ASB11: variants seen among roughly 807,000 people sequenced by gnomAD.
The protein encoded by ASB11 is ankyrin repeat and SOCS box protein 11.
In ASB11, 17 loss-of-function variants were observed where a neutral mutation model predicts 20.1. The observed-to-expected ratio is 0.85, with a 90% CI of 0.58 to 1.27. The LOEUF (loss-of-function observed/expected upper bound fraction) is 1.27, where lower values mean the gene tolerates loss of function less well. Ranked by LOEUF, ASB11 falls within the 50% of genes most tolerant of loss-of-function variation. ASB11 has a pLI of 0.00. For missense variants in ASB11, 259 were observed against 256.9 expected (o/e 1.01, Z -0.06); for synonymous variants, 107 against 105.6 (o/e 1.01, Z -0.08).
intron 1 of ASB11, chrX:15,314,533 T>C: frequency 8.7e-7 from 1 of 1,152,443 alleles, no homozygotes; most frequent in Non-Finnish European, 1.1e-6. Context: ...ATAAGACTGC[T>C]GTTGTCTAGT....
chrX:15,283,475 T>C lies in ASB11; in HGVS notation c.*30A>G. ...GTACAGCAGACAACAATCTGTGTCA[T>C]TCCAAGTATCTTCCCAGGAACACTT... On this transcript the variant is annotated 3_prime_UTR_variant, in exon 7 of 7. Coordinates refer to ENST00000480796, the MANE Select transcript of ASB11 (RefSeq NM_080873.3). 1 of 1,208,245 alleles carries C rather than the reference T, an allele frequency of 8.3e-7. No individual in the cohort carries two copies. Among genetic ancestry groups the C allele is most frequent in the Non-Finnish European group, 1.1e-6 (1 of 892,540 alleles).
rs1216745927 is a variant in ASB11, at chrX:15,297,586, T to G, written c.357A>C (p.Glu119Asp). Reference sequence around the variant, plus strand: ...GGGCAGTACTCACGTGTGCACCATTTTCCAATAAGGCTTTGGCACAGGCCA... The same window carrying G: ...GGGCAGTACTCACGTGTGCACCATTGTCCAATAAGGCTTTGGCACAGGCCA... ...GHVACAKALL[E>D]NGAHVNGVTV... The change falls in exon 3 of 7, where the codon GAA (glutamate) becomes GAC (aspartate). Residue 119 changes from glutamate (E) to aspartate (D), a missense_variant. By Grantham distance (45) the Glu-to-Asp change is conservative. Transcript: ENST00000480796. 8.4e-7 allele frequency: 1 copy of G among 1,194,679 alleles called. No homozygotes were observed. The highest frequency in any genetic ancestry group is 1.1e-6 in the Non-Finnish European group (1 of 888,042).
In ASB11 at chrX:15,283,221, C is replaced by G. The variant is rs992296296; in HGVS notation, c.*284G>C. ...TAGGTACAAGAAGATCCCGAATCAT[C>G]AAAAAACAGCCTATTGTTTTCACTC... On this transcript the variant is annotated 3_prime_UTR_variant, in exon 7 of 7. Transcript: ENST00000480796. The G allele has an allele frequency of 4.6e-6, 1 of 215,132 alleles. No individual in the cohort carries two copies. Among genetic ancestry groups the G allele is most frequent in the Admixed American group, 6.3e-5 (1 of 15,820 alleles). The allele number at this position is 215,132 out of a possible 1,213,427, so 17.7% of individuals were successfully genotyped here.
At chrX:15,311,774 C>T (rs1921437259) in intron 1 of ASB11, among the ~76,000 whole-genome samples, 1 of 110,785 alleles carries the variant, frequency 9.0e-6, no homozygotes, top group Admixed American at 9.7e-5. Flanking sequence ...ACTTGTTTAG[C>T]AGCAAAGCAT....
intron 5 of ASB11, 148 bp downstream of exon 5, chrX:15,289,356 T>A: frequency 1.8e-6 from 1 of 562,811 alleles, no homozygotes; most frequent in South Asian, 3.3e-5. Flanking sequence ...ATACAGACAC[T>A]CATTTCTCTA....
At chrX:15,287,134 GCAAAC>G (rs1927408352) in intron 6 of ASB11, among the ~76,000 whole-genome samples, 1 of 111,298 alleles carries the variant, frequency 9.0e-6, no homozygotes, top group Non-Finnish European at 1.9e-5. Flanking sequence ...TGGAGAACAG[GCAAAC>G]AACCTCACCA....
In ASB11 at chrX:15,289,590, T is replaced by C. The variant is rs769411915; in HGVS notation, c.569A>G (p.Asp190Gly). 8.3e-7 allele frequency: 1 copy of C among 1,210,339 alleles called. No individual in the cohort carries two copies. The highest frequency in any genetic ancestry group is 1.1e-6 in the Non-Finnish European group (1 of 894,187). ...AGTTCCGAGCTGAGGCACCTCATGGTCAATGTTAACATTATTTGCCAGCAG... is the reference window on the plus strand; with the variant it reads ...AGTTCCGAGCTGAGGCACCTCATGGCCAATGTTAACATTATTTGCCAGCAG... Reference protein sequence around the residue: ...EILLANNVNIDHEVPQLGTPL... With the variant: ...EILLANNVNIGHEVPQLGTPL... The change falls in exon 5 of 7, where the codon GAC becomes GGC. Residue 190 changes from aspartate to glycine, a missense_variant. Asp to Gly is a moderately conservative substitution (Grantham distance 94). Transcript: ENST00000480796.
At chrX:15,295,769 C>G (rs1315508124) in intron 3 of ASB11, among the ~76,000 whole-genome samples, 1 of 112,428 alleles carries the variant, frequency 8.9e-6, no homozygotes, top group African/African-American at 3.2e-5. Context: ...GACAAGGAAA[C>G]ATGTCTTATT....
In ASB11 at chrX:15,295,441, G is replaced by A. The variant is rs548791768; in HGVS notation, c.370-2121C>T. Among the ~76,000 whole-genome samples the A allele has an allele frequency of 4.5e-5, 5 of 112,314 alleles. No individual in the cohort carries two copies. The East Asian group carries it at 1.4e-3, about 31-fold the overall frequency. Reference sequence around the variant, plus strand: ...GGGAAAAACTTAGAAAGTAAAATTAGCAGGAGTTTTTAATTAATTAGATAG... The same window carrying A: ...GGGAAAAACTTAGAAAGTAAAATTAACAGGAGTTTTTAATTAATTAGATAG... On this transcript the variant is annotated intron_variant, in intron 3 of 6. Coordinates refer to ENST00000480796, the MANE Select transcript of ASB11 (RefSeq NM_080873.3).
rs753082019 is a variant in ASB11 at position 15,298,383 on chromosome X, G to A, written c.262-702C>T. On this transcript the variant is annotated intron_variant, in intron 2 of 6. Coordinates refer to ENST00000480796, the MANE Select transcript of ASB11 (RefSeq NM_080873.3). ...TGCTTCCTGTGGCAGGGCCACAGTC[G>A]GATTTCTGGAACAGAAAGAACCCAC... 2.7e-5 allele frequency among the ~76,000 whole-genome samples: 3 copies of A among 110,973 alleles called. No individual in the cohort carries two copies. In the East Asian group the frequency reaches 8.6e-4, roughly 32 times the overall value.
intron 1 of ASB11, among the ~76,000 whole-genome samples, chrX:15,303,805 C>T (rs953967584): frequency 5.4e-5 from 6 of 112,142 alleles, no homozygotes; most frequent in South Asian, 3.7e-4. Context: ...AATACAACCG[C>T]GATGTTAAGT....
chrX:15,298,425 A>T (rs1433026797), intron 2 of ASB11, among the ~76,000 whole-genome samples: 1 of 111,388 alleles, frequency 9.0e-6, no homozygotes, highest in Non-Finnish European at 1.9e-5. Context: ...TAGAAGCAGG[A>T]GATGGGAGGA....
intron 3 of ASB11, among the ~76,000 whole-genome samples, chrX:15,295,038 A>AT (rs1425521155): frequency 2.7e-5 from 3 of 110,904 alleles, no homozygotes; most frequent in Admixed American, 9.7e-5. Flanking sequence ...TACAAAAAGA[A>AT]TTTTTTTTAA....
chrX:15,296,052 G>T (rs750759835), intron 3 of ASB11, among the ~76,000 whole-genome samples: 1 of 111,965 alleles, frequency 8.9e-6, no homozygotes, highest in Non-Finnish European at 1.9e-5. Flanking sequence ...AACCAGCATC[G>T]CTGGTTTCAC....
intron 1 of ASB11, among the ~76,000 whole-genome samples, chrX:15,306,729 AC>A (rs1307777558): frequency 9.0e-6 from 1 of 111,385 alleles, no homozygotes. Flanking sequence ...AACAACAACA[AC>A]AACAACTCTT....
rs145832401 is a variant in ASB11, at chrX:15,283,591, G to A, written c.886C>T (p.Arg296Trp). ...ALSQLCRLCV[R>W]KCLGRACHQA... ...TGACATGCTCGACCGAGACACTTCC[G>A]GACACACAGGCGGCAGAGCTGGGAA... Residue 296 changes from arginine (R) to tryptophan (W), a missense_variant, in exon 7 of 7, where the codon CGG (arginine) becomes TGG (tryptophan). By Grantham distance (101) the Arg-to-Trp change is moderately radical (BLOSUM62 -3). Coordinates refer to ENST00000480796, the MANE Select transcript of ASB11 (RefSeq NM_080873.3). 1.3e-4 allele frequency: 152 copies of A among 1,207,664 alleles called. No individual in the cohort carries two copies. In the African/African-American group the frequency reaches 1.8e-3, roughly 14 times the overall value.
At chrX:15,308,180 C>A in intron 1 of ASB11, among the ~76,000 whole-genome samples, 1 of 112,379 alleles carries the variant, frequency 8.9e-6, no homozygotes, top group Middle Eastern at 4.6e-3. Context: ...CAACTGCAGG[C>A]CTCACTCCAG....
chrX:15,311,202 C>T (rs781410649), intron 1 of ASB11, among the ~76,000 whole-genome samples: 1 of 112,436 alleles, frequency 8.9e-6, no homozygotes, highest in Admixed American at 9.4e-5. Flanking sequence ...AATAAATATT[C>T]TCCAGAATGT....
At chrX:15,303,230 A>G (rs1056617395) in intron 1 of ASB11, among the ~76,000 whole-genome samples, 2 of 111,285 alleles carry the variant, frequency 1.8e-5, no homozygotes, top group African/African-American at 6.5e-5. Context: ...TGTATTATGA[A>G]GGAGACTCTA....
Sources: allele counts gnomAD v4.1 joint callset (sites outside exome capture counted in the v4.1 genomes callset), GRCh38; gene constraint gnomAD v4.1.1; transcripts MANE v1.5; gene names NCBI Gene and HGNC (gene_info 2026-07-23, HGNC 2026-07-21).